Variants in LPA observed in about 807,000 individuals in gnomAD.
LPA encodes the protein apolipoprotein(a).
Under a neutral mutation model 197.9 loss-of-function variants are expected in LPA, and 199 were observed. The observed-to-expected ratio is 1.01, with a 90% CI of 0.90 to 1.13. The LOEUF is 1.13. Ranked by LOEUF, LPA falls within the 50% of genes most tolerant of loss-of-function variation. The pLI is 0.00. For missense variants in LPA, 1,853 were observed against 1,785.8 expected (o/e 1.04, Z -0.68); for synonymous variants, 715 against 639.5 (o/e 1.12, Z -1.78).
chr6:160,538,777 C>T (rs1461514811), intron 36 of LPA, among the ~76,000 whole-genome samples: 1 of 152,094 alleles, frequency 6.6e-6, no homozygotes, highest in Admixed American at 6.5e-5. Context: ...CACTAAATGC[C>T]CTAGACTCTA....
chr6:160,543,433 A>C (rs1166344157), intron 33 of LPA, among the ~76,000 whole-genome samples: 1 of 152,076 alleles, frequency 6.6e-6, no homozygotes, highest in Non-Finnish European at 1.5e-5. Context: ...ATATTAATAT[A>C]GTTAATAATT....
Position 160,577,119 on chromosome 6 carries a change from T to C in LPA, c.4631+17A>G. The C allele has an allele frequency of 6.2e-7, 1 of 1,612,542 alleles. No homozygotes were observed. Among genetic ancestry groups the C allele is most frequent in the Non-Finnish European group, 8.5e-7 (1 of 1,179,450 alleles). ...AGTTGGCTGTTGCTCCTCTTATGGT[T>C]TTAATCAAATACATACGCATTTGGG... On this transcript the variant is annotated intron_variant, in intron 28 of 38. Coordinates refer to ENST00000316300, the MANE Select transcript of LPA (RefSeq NM_005577.4).
chr6:160,590,853 G>A (rs1391152592), intron 23 of LPA, 91 bp downstream of exon 23: 32 of 1,530,988 alleles, frequency 2.1e-5, no homozygotes, highest in Non-Finnish European at 2.1e-5. Context: ...AGATTCCCGT[G>A]CAGCATGGAA....
chr6:160,581,648 T>C (rs1307464388), intron 26 of LPA, among the ~76,000 whole-genome samples: 1 of 152,194 alleles, frequency 6.6e-6, no homozygotes, highest in Admixed American at 6.5e-5. Flanking sequence ...TATTACCATA[T>C]GCATCTATCC....
Position 160,654,059 on chromosome 6 carries a change from T to A in LPA, c.50-3562A>T, listed in dbSNP as rs1442640464. ...ATTATATATAATATATAATATATTATATATATTATATATAATATATATTAT... is the reference window on the plus strand; with the variant it reads ...ATTATATATAATATATAATATATTAAATATATTATATATAATATATATTAT... On this transcript the variant is annotated intron_variant, in intron 1 of 38. Coordinates refer to ENST00000316300, the MANE Select transcript of LPA (RefSeq NM_005577.4). Among the ~76,000 whole-genome samples, 13 of 13,172 alleles carry A rather than the reference T, an allele frequency of 9.9e-4. 3 individuals are homozygous for A. The East Asian group carries it at 0.029, about 29-fold the overall frequency. 8.6% of individuals were successfully genotyped at this position (13,172 alleles called of 152,430 possible).
At chr6:160,555,294 AGTGTGTGTG>A (rs1778240000) in intron 30 of LPA, among the ~76,000 whole-genome samples, 1 of 133,872 alleles carries the variant, frequency 7.5e-6, no homozygotes, top group Non-Finnish European at 1.6e-5. Flanking sequence ...ATTATATGTT[AGTGTGTGTG>A]TGTGTGTGTG....
At chr6:160,634,666 T>C (rs1779767267) in intron 7 of LPA, among the ~76,000 whole-genome samples, 2 of 151,492 alleles carry the variant, frequency 1.3e-5, no homozygotes, top group African/African-American at 2.4e-5. Context: ...CAGGACCATA[T>C]GGAATTAATG....
intron 28 of LPA, among the ~76,000 whole-genome samples, chr6:160,569,871 G>GA (rs1778531698): frequency 6.6e-6 from 1 of 152,064 alleles, no homozygotes; most frequent in Non-Finnish European, 1.5e-5. Context: ...GCAGTCAAGA[G>GA]ACACATGAAA....
chr6:160,649,081 T>C (rs1280259708), intron 2 of LPA, among the ~76,000 whole-genome samples: 1 of 152,214 alleles, frequency 6.6e-6, no homozygotes, highest in East Asian at 1.9e-4. Flanking sequence ...TTGGACATCA[T>C]TCTGATGCTT....
intron 16 of LPA, among the ~76,000 whole-genome samples, chr6:160,609,617 G>T (rs557009824): frequency 6.6e-6 from 1 of 151,930 alleles, no homozygotes; most frequent in Non-Finnish European, 1.5e-5. Flanking sequence ...TCAGCCATCC[G>T]TGATTCCGGT....
intron 18 of LPA, among the ~76,000 whole-genome samples, chr6:160,604,315 C>A (rs149360334): frequency 6.6e-6 from 1 of 152,146 alleles, no homozygotes; most frequent in Non-Finnish European, 1.5e-5. Context: ...GAGTTGATCT[C>A]ATTGTTCCCC....
intron 1 of LPA, among the ~76,000 whole-genome samples, chr6:160,652,213 A>G (rs1441550177): frequency 6.6e-6 from 1 of 152,082 alleles, no homozygotes; most frequent in African/African-American, 2.4e-5. Context: ...GGAGCTCAGG[A>G]AACCTCAAGC....
chr6:160,648,259 G>A (rs989136225), intron 2 of LPA, among the ~76,000 whole-genome samples: 3 of 151,996 alleles, frequency 2.0e-5, no homozygotes, highest in African/African-American at 4.8e-5. Context: ...CGTTCCTTAC[G>A]AGATTTTTCT....
At chr6:160,606,178 G>A (rs1398492875) in intron 17 of LPA, among the ~76,000 whole-genome samples, 2 of 152,154 alleles carry the variant, frequency 1.3e-5, no homozygotes, top group South Asian at 2.1e-4. Context: ...CTGACAGCAT[G>A]TTACAATAAA....
intron 2 of LPA, among the ~76,000 whole-genome samples, chr6:160,646,926 C>A (rs967132586): frequency 6.6e-6 from 1 of 151,850 alleles, no homozygotes; most frequent in Admixed American, 6.6e-5. Context: ...ACTCCATGTA[C>A]TCAAAACCTA....
At chr6:160,610,425 G>A (rs1214491558) in intron 16 of LPA, among the ~76,000 whole-genome samples, 5 of 152,148 alleles carry the variant, frequency 3.3e-5, no homozygotes, top group Admixed American at 6.5e-5. Flanking sequence ...AATTGGCAAT[G>A]TGTTCCGTGA....
At chr6:160,604,019 C>G (rs1779295654) in intron 18 of LPA, among the ~76,000 whole-genome samples, 1 of 152,174 alleles carries the variant, frequency 6.6e-6, no homozygotes, top group Admixed American at 6.5e-5. Flanking sequence ...TGCTATTCCT[C>G]AGGATATATT....
intron 37 of LPA, among the ~76,000 whole-genome samples, chr6:160,536,266 A>G (rs1044318944): frequency 2.0e-5 from 3 of 152,180 alleles, no homozygotes; most frequent in Non-Finnish European, 4.4e-5. Flanking sequence ...TGGGGCCATC[A>G]TGTGAGCCTG....
intron 28 of LPA, among the ~76,000 whole-genome samples, chr6:160,568,481 A>C (rs1185824097): frequency 6.6e-6 from 1 of 152,238 alleles, no homozygotes. Context: ...TTGATGGGAC[A>C]TATCTCAAAA....
Sources: allele counts gnomAD v4.1 joint callset (sites outside exome capture counted in the v4.1 genomes callset), GRCh38; gene constraint gnomAD v4.1.1; transcripts MANE v1.5; gene names NCBI Gene and HGNC (gene_info 2026-07-23, HGNC 2026-07-21).